UTRN: variants seen among roughly 807,000 people sequenced by gnomAD.
UTRN encodes the protein utrophin, also known as dystrophin-related protein 1.
Under a neutral mutation model 463.9 loss-of-function variants are expected in UTRN, and 283 were observed. That is an observed-to-expected ratio of 0.61 (90% CI 0.55 to 0.67). UTRN has a LOEUF of 0.67. UTRN is among the 30% of genes least tolerant of loss of function. The pLI is 0.00. For synonymous variants in UTRN, 1,442 were observed against 1,431.5 expected, an observed-to-expected ratio of 1.01 and a Z score of -0.17; for missense variants, 3,922 against 4,084.3, an observed-to-expected ratio of 0.96 and a Z score of 1.08.
At chr6:144,829,033 A>G (rs1445265236) in intron 69 of UTRN, among the ~76,000 whole-genome samples, 178 bp downstream of exon 69, 2 of 152,102 alleles carry the variant, frequency 1.3e-5, no homozygotes, top group African/African-American at 2.4e-5. Flanking sequence ...TAAACTCAAT[A>G]TGTTTATTTA....
chr6:144,490,762 CG>C (rs1161150508), intron 31 of UTRN, among the ~76,000 whole-genome samples, 166 bp from the exon 32 acceptor site: 1 of 152,164 alleles, frequency 6.6e-6, no homozygotes, highest in Admixed American at 6.5e-5. Flanking sequence ...CTTAGGTGAT[CG>C]GGTACCCTCA....
chr6:144,385,308 GATTTAAC>G (rs1252488782), intron 2 of UTRN, among the ~76,000 whole-genome samples: 2 of 152,166 alleles, frequency 1.3e-5, no homozygotes, highest in Non-Finnish European at 2.9e-5. Flanking sequence ...CTACTTAAAT[GATTTAAC>G]AGTGGAAGGT....
chr6:144,651,646 G>A (rs1778827310), intron 51 of UTRN, among the ~76,000 whole-genome samples: 1 of 152,116 alleles, frequency 6.6e-6, no homozygotes, highest in Non-Finnish European at 1.5e-5. Flanking sequence ...TATCATAGTA[G>A]TAGAATGATC....
At chr6:144,535,220 A>G (rs113097413) in intron 43 of UTRN, among the ~76,000 whole-genome samples, 2 of 152,124 alleles carry the variant, frequency 1.3e-5, no homozygotes, top group African/African-American at 4.8e-5. Context: ...AGCTGAGATG[A>G]CAGGTGCCTG....
At chr6:144,571,495 A>G (rs1800932989) in intron 50 of UTRN, among the ~76,000 whole-genome samples, 2 of 152,226 alleles carry the variant, frequency 1.3e-5, no homozygotes, top group Non-Finnish European at 2.9e-5. Flanking sequence ...TATTCTAAAT[A>G]AAATGGGTAT....
rs888848577 is a variant in UTRN, at chr6:144,830,261, GA to G, written c.9665+1412del. ...AGATTAACATTTTTTAAAAAGAAAAGAAAAAAGTCAGAAGATTAACAGTCAG... is the reference window on the plus strand; with the variant it reads ...AGATTAACATTTTTTAAAAAGAAAAGAAAAAGTCAGAAGATTAACAGTCAG... On this transcript the variant is annotated intron_variant, in intron 69 of 74. Transcript: ENST00000367545. Among the ~76,000 whole-genome samples the G allele has an allele frequency of 3.0e-4, 46 of 152,036 alleles. 2 individuals carry two copies. The South Asian group carries it at 7.9e-3, about 26-fold the overall frequency.
chr6:144,429,689 C>G lies in UTRN; in HGVS notation c.803C>G (p.Thr268Arg), dbSNP rs1282402347. The change falls in exon 9 of 75, where the codon ACA (threonine) becomes AGA (arginine). Residue 268 changes from threonine to arginine, a missense_variant. Thr to Arg is a moderately conservative substitution (Grantham distance 71, BLOSUM62 -1). This residue lies in a region of UTRN where 264 missense variants were observed against 327.9 expected (regional missense o/e 0.81). Transcript: ENST00000367545. ...VTIDAIREVE[T>R]LPRKYKKECE... Reference sequence around the variant, plus strand: ...ATAGACGCCATCCGTGAGGTAGAGACACTCCCAAGGAAATATAAAAAAGAA... The same window carrying G: ...ATAGACGCCATCCGTGAGGTAGAGAGACTCCCAAGGAAATATAAAAAAGAA... 1 of 1,612,778 alleles carries G rather than the reference C, an allele frequency of 6.2e-7. No individual in the cohort carries two copies. The highest frequency in any genetic ancestry group is 8.5e-7 in the Non-Finnish European group (1 of 1,179,482).
intron 19 of UTRN, among the ~76,000 whole-genome samples, chr6:144,457,502 A>G (rs745960808): frequency 2.6e-5 from 4 of 152,180 alleles, no homozygotes; most frequent in African/African-American, 7.2e-5. Flanking sequence ...GGCATGACCC[A>G]TATCTCCATT....
chr6:144,701,337 A>G (rs1562788330), intron 53 of UTRN, among the ~76,000 whole-genome samples: 1 of 152,030 alleles, frequency 6.6e-6, no homozygotes, highest in African/African-American at 2.4e-5. Flanking sequence ...AAAAAAAGTA[A>G]TGCAGATGAA....
chr6:144,432,359 T>TC (rs1785942830), intron 9 of UTRN, among the ~76,000 whole-genome samples: 1 of 152,248 alleles, frequency 6.6e-6, no homozygotes. Flanking sequence ...TCTCTGTCTC[T>TC]CTCTCTCTTT....
chr6:144,599,917 G>A (rs1804061918), intron 51 of UTRN, among the ~76,000 whole-genome samples: 2 of 152,126 alleles, frequency 1.3e-5, no homozygotes, highest in South Asian at 4.1e-4. Context: ...TTTTCCAACA[G>A]CATGTACTTT....
chr6:144,702,330 C>G (rs1784681578), intron 53 of UTRN, among the ~76,000 whole-genome samples: 1 of 152,186 alleles, frequency 6.6e-6, no homozygotes, highest in Non-Finnish European at 1.5e-5. Context: ...GGCAGTTGCT[C>G]TGCTTCAGTC....
At chr6:144,715,783 T>G (rs1000790121) in intron 53 of UTRN, among the ~76,000 whole-genome samples, 3 of 151,390 alleles carry the variant, frequency 2.0e-5, no homozygotes, top group Admixed American at 2.0e-4. Context: ...TTTTTTTTTT[T>G]TTGCTTGGTA....
At chr6:144,791,843 GGTA>G (rs1776784820) in intron 62 of UTRN, among the ~76,000 whole-genome samples, 2 of 152,112 alleles carry the variant, frequency 1.3e-5, no homozygotes, top group South Asian at 4.1e-4. Flanking sequence ...GTGGCATAGT[GGTA>G]TAGCCATATG....
chr6:144,559,822 G>C (rs1358433), intron 50 of UTRN, among the ~76,000 whole-genome samples: 83,199 of 151,896 alleles, frequency 0.55, 25,015 homozygotes, highest in East Asian at 0.85. Context: ...TTTATTACCT[G>C]TGTTGAGAAT....
intron 2 of UTRN, among the ~76,000 whole-genome samples, chr6:144,385,716 T>C (rs888103693): frequency 2.0e-5 from 3 of 152,044 alleles, no homozygotes; most frequent in Admixed American, 6.5e-5. Flanking sequence ...ATTTTTTTTT[T>C]TTTTTCTTTT....
intron 50 of UTRN, among the ~76,000 whole-genome samples, chr6:144,564,958 T>G (rs780233629): frequency 8.5e-5 from 13 of 152,198 alleles, no homozygotes; most frequent in African/African-American, 1.2e-4. Context: ...ATATTAAAAT[T>G]TAATCTCTCT....
intron 2 of UTRN, among the ~76,000 whole-genome samples, chr6:144,346,857 C>CTCTG (rs57647865): frequency 0.065 from 9,766 of 150,402 alleles, 1,009 homozygotes; most frequent in African/African-American, 0.23. Context: ...ATCACTATCT[C>CTCTG]TCTGTCTATC....
chr6:144,522,920 C>A, intron 40 of UTRN, 96 bp from the exon 41 acceptor site: 1 of 973,396 alleles, frequency 1.0e-6, no homozygotes, highest in Non-Finnish European at 1.5e-6. Context: ...ATTATTATTT[C>A]AAATGAGTGT....
Sources: gnomAD v4.1 joint callset for allele counts (sites outside exome capture counted in the v4.1 genomes callset) on GRCh38, gnomAD v4.1.1 for gene constraint, gnomAD v4.1.1 regional missense constraint, MANE v1.5 for transcripts, NCBI Gene and HGNC (gene_info 2026-07-23, HGNC 2026-07-21) for gene names.